OSBPL11: variants seen among roughly 807,000 people sequenced by gnomAD.
The protein encoded by OSBPL11 is oxysterol binding protein like 11.
In OSBPL11, 33 loss-of-function variants were observed where a neutral mutation model predicts 84.4. The observed-to-expected ratio is 0.39, with a 90% confidence interval of 0.30 to 0.52. The LOEUF (loss-of-function observed/expected upper bound fraction) is 0.52, where lower values mean the gene tolerates loss of function less well. Ranked by LOEUF, OSBPL11 falls within the 20% of genes least tolerant of loss-of-function variation. The pLI is 0.72. For missense variants in OSBPL11, 736 were observed against 901.1 expected (o/e 0.82, Z 2.35); for synonymous variants, 276 against 310.2 (o/e 0.89, Z 1.16).
chr3:125,593,394 C>A (rs1050691459), intron 1 of OSBPL11, among the ~76,000 whole-genome samples: 1 of 152,092 alleles, frequency 6.6e-6, no homozygotes, highest in Non-Finnish European at 1.5e-5. Context: ...CAGAGGAGGG[C>A]TGATCACTTG....
At position 125,579,051 on chromosome 3, in the gene OSBPL11, A is replaced by C. The variant is rs756197529; in HGVS notation, c.410-12T>G. On this transcript the variant is annotated splice_polypyrimidine_tract_variant and intron_variant, in intron 3 of 12. Transcript: ENST00000296220. Reference sequence around the variant, plus strand: ...TTTTGCATCTGTAGCTGTTAAAAGAATGTAAAAATTATTTTATATTTATTT... The same window carrying C: ...TTTTGCATCTGTAGCTGTTAAAAGACTGTAAAAATTATTTTATATTTATTT... 1.9e-6 allele frequency: 3 copies of C among 1,556,780 alleles called. No homozygotes were observed.
At chr3:125,577,878 G>C (rs575730173) in intron 4 of OSBPL11, among the ~76,000 whole-genome samples, 9 of 152,024 alleles carry the variant, frequency 5.9e-5, no homozygotes, top group African/African-American at 2.2e-4. Flanking sequence ...ATATATTGTT[G>C]ATGGGAATGT....
chr3:125,576,867 A>G (rs1423267554), intron 4 of OSBPL11, among the ~76,000 whole-genome samples: 1 of 152,180 alleles, frequency 6.6e-6, no homozygotes, highest in Non-Finnish European at 1.5e-5. Context: ...TATGTTTAGT[A>G]GAGACAGGGT....
chr3:125,562,412 A>G (rs1393730545), intron 7 of OSBPL11, among the ~76,000 whole-genome samples: 1 of 152,200 alleles, frequency 6.6e-6, no homozygotes, highest in African/African-American at 2.4e-5. Flanking sequence ...CTACAGAGAA[A>G]TAAGCATTTT....
chr3:125,578,851 A>G, intron 4 of OSBPL11, 109 bp downstream of exon 4: 1 of 575,580 alleles, frequency 1.7e-6, no homozygotes, highest in Non-Finnish European at 2.9e-6. Context: ...TATACTTTAA[A>G]AGGGTGAATT....
At chr3:125,553,444 G>A (rs1405853160) in intron 8 of OSBPL11, among the ~76,000 whole-genome samples, 1 of 152,126 alleles carries the variant, frequency 6.6e-6, no homozygotes, top group African/African-American at 2.4e-5. Flanking sequence ...TTTCCAATAA[G>A]AGAAATTTTT....
At chr3:125,558,724 T>C (rs1449853559) in intron 8 of OSBPL11, among the ~76,000 whole-genome samples, 1 of 152,254 alleles carries the variant, frequency 6.6e-6, no homozygotes, top group Non-Finnish European at 1.5e-5. Context: ...TGTCATGGAT[T>C]AATTGTTAAG....
At chr3:125,555,121 A>C (rs1298160663) in intron 8 of OSBPL11, among the ~76,000 whole-genome samples, 2 of 152,172 alleles carry the variant, frequency 1.3e-5, no homozygotes, top group African/African-American at 4.8e-5. Flanking sequence ...TAGCAGGGGA[A>C]TATGGAAGGA....
chr3:125,548,098 C>T (rs112592841), intron 9 of OSBPL11, among the ~76,000 whole-genome samples: 9,552 of 152,114 alleles, frequency 0.063, 391 homozygotes, highest in African/African-American at 0.12. Flanking sequence ...AGGCTGGTCT[C>T]GCACTCCTGA....
intron 2 of OSBPL11, among the ~76,000 whole-genome samples, chr3:125,581,564 C>A (rs774820108): frequency 6.6e-6 from 1 of 151,350 alleles, no homozygotes; most frequent in African/African-American, 2.4e-5. Context: ...GGCGAGGTGG[C>A]GTGCACCTGT....
intron 5 of OSBPL11, among the ~76,000 whole-genome samples, chr3:125,575,890 C>A (rs1199204249): frequency 6.6e-6 from 1 of 151,064 alleles, no homozygotes; most frequent in African/African-American, 2.4e-5. Flanking sequence ...AGTCTTCCCA[C>A]TAGGCTTAAT....
chr3:125,536,383 T>A (rs953726640), intron 11 of OSBPL11, among the ~76,000 whole-genome samples: 3 of 152,186 alleles, frequency 2.0e-5, no homozygotes, highest in Non-Finnish European at 2.9e-5. Flanking sequence ...TTCTGTAATA[T>A]CATGCATTAG....
chr3:125,540,433 T>C (rs1418832263), intron 10 of OSBPL11, among the ~76,000 whole-genome samples: 1 of 147,662 alleles, frequency 6.8e-6, no homozygotes, highest in Admixed American at 6.8e-5. Flanking sequence ...ACAGCAGGAA[T>C]AGGAATTCTG....
At chr3:125,541,730 A>G (rs1935731920) in intron 10 of OSBPL11, among the ~76,000 whole-genome samples, 1 of 152,182 alleles carries the variant, frequency 6.6e-6, no homozygotes, top group African/African-American at 2.4e-5. Context: ...GGCATGTGCC[A>G]TCATGCTCAG....
intron 1 of OSBPL11, among the ~76,000 whole-genome samples, chr3:125,587,649 CTG>C (rs1319219958): frequency 6.6e-6 from 1 of 152,152 alleles, no homozygotes; most frequent in Non-Finnish European, 1.5e-5. Context: ...CAAGATAAGT[CTG>C]TGGTCAAGAA....
chr3:125,538,156 A>G (rs914119985), intron 11 of OSBPL11, among the ~76,000 whole-genome samples: 3 of 152,196 alleles, frequency 2.0e-5, no homozygotes, highest in Admixed American at 2.0e-4. Context: ...TGTTAATAAT[A>G]TAACAAAATT....
At chr3:125,583,047 T>G (rs1936451610) in intron 1 of OSBPL11, 69 bp from the exon 2 acceptor site, 2 of 1,136,986 alleles carry the variant, frequency 1.8e-6, no homozygotes, top group South Asian at 2.9e-5. Flanking sequence ...ATGGTACAAT[T>G]TTCAAAATAG....
At chr3:125,539,246 CAG>C (rs1292039602) in intron 10 of OSBPL11, among the ~76,000 whole-genome samples, 1 of 138,638 alleles carries the variant, frequency 7.2e-6, no homozygotes, top group Admixed American at 7.3e-5. Flanking sequence ...CCACAGAACT[CAG>C]AGAGACCTTA....
rs576554432 is a variant in OSBPL11 at position 125,595,158 on chromosome 3, C to T, written c.-358G>A. On this transcript the variant is annotated 5_prime_UTR_variant, in exon 1 of 13. Transcript: ENST00000296220. ...GTAGCCAAGACGGCTGGGAAAAGGA[C>T]GGAGCGCCACGGACAGGGGACCCGC... The T allele has an allele frequency of 6.4e-4, 111 of 173,274 alleles. No individual in the cohort carries two copies. Among genetic ancestry groups the T allele is most frequent in the African/African-American group, 2.2e-3 (93 of 42,332 alleles). The allele number at this position is 173,274 out of a possible 1,614,324, so 10.7% of individuals were successfully genotyped here.
Sources: allele counts gnomAD v4.1 joint callset (sites outside exome capture counted in the v4.1 genomes callset), GRCh38; gene constraint gnomAD v4.1.1; transcripts MANE v1.5; gene names NCBI Gene and HGNC (gene_info 2026-07-23, HGNC 2026-07-21).